Variants in TCF7L1 observed in about 807,000 individuals in gnomAD.
TCF7L1 encodes the protein transcription factor 7-like 1.
In TCF7L1, 18 loss-of-function variants were observed where a neutral mutation model predicts 63.7. The observed-to-expected ratio is 0.28, with a 90% CI of 0.20 to 0.42. The LOEUF (loss-of-function observed/expected upper bound fraction) is 0.42, where lower values mean the gene tolerates loss of function less well. Ranked by LOEUF, TCF7L1 falls within the 10% of genes least tolerant of loss-of-function variation. The pLI is 1.00. For synonymous variants in TCF7L1, 355 were observed against 340.9 expected (o/e 1.04, Z -0.46); for missense variants, 654 against 779.3 (o/e 0.84, Z 1.91).
At chr2:85,262,345 G>A (rs563555110) in intron 3 of TCF7L1, 55 of 477,018 alleles carry the variant, frequency 1.2e-4, no homozygotes, top group African/African-American at 2.0e-4. Flanking sequence ...ACACCCGCAC[G>A]CTGCCTCTGA....
chr2:85,251,020 T>TA, intron 3 of TCF7L1, among the ~76,000 whole-genome samples: 1 of 152,288 alleles, frequency 6.6e-6, no homozygotes. Flanking sequence ...AGCTAAGAGT[T>TA]AGAGGCCTGA....
At position 85,290,525 on chromosome 2, in the gene TCF7L1, A is replaced by G. The variant is rs1262669385; in HGVS notation, c.525+6947A>G. Among the ~76,000 whole-genome samples, 3 of 152,232 alleles carry G rather than the reference A, an allele frequency of 2.0e-5. No individual in the cohort carries two copies. In the South Asian group the frequency reaches 6.2e-4, roughly 31 times the overall value. On this transcript the variant is annotated intron_variant, in intron 4 of 11. Coordinates refer to ENST00000282111, the MANE Select transcript of TCF7L1 (RefSeq NM_031283.3). ...CATATAGTGAAATTCACATGAGTATATAGTTCTGTGAGTTTTGACAAACTT... is the reference window on the plus strand; with the variant it reads ...CATATAGTGAAATTCACATGAGTATGTAGTTCTGTGAGTTTTGACAAACTT...
chr2:85,280,671 A>T (rs1681388490), intron 3 of TCF7L1, among the ~76,000 whole-genome samples: 1 of 152,178 alleles, frequency 6.6e-6, no homozygotes, highest in Non-Finnish European at 1.5e-5. Flanking sequence ...TTTAATTTTT[A>T]AAACCAGAAA....
At chr2:85,248,998 G>A (rs1031396139) in intron 3 of TCF7L1, among the ~76,000 whole-genome samples, 5 of 136,302 alleles carry the variant, frequency 3.7e-5, no homozygotes, top group African/African-American at 1.3e-4. Context: ...CCCTTGGGGA[G>A]GGAAAAAAAA....
intron 3 of TCF7L1, among the ~76,000 whole-genome samples, chr2:85,173,899 G>T (rs1678614508): frequency 6.6e-6 from 1 of 152,048 alleles, no homozygotes; most frequent in Non-Finnish European, 1.5e-5. Context: ...ACCACGCCTG[G>T]CTAATTTTTG....
At chr2:85,137,037 CTT>C (rs1159314602) in intron 3 of TCF7L1, among the ~76,000 whole-genome samples, 3 of 152,036 alleles carry the variant, frequency 2.0e-5, no homozygotes, top group Non-Finnish European at 4.4e-5. Context: ...CATCTTAGGT[CTT>C]TTTTATTGTT....
At chr2:85,238,906 G>A (rs943227379) in intron 3 of TCF7L1, among the ~76,000 whole-genome samples, 1 of 151,462 alleles carries the variant, frequency 6.6e-6, no homozygotes, top group African/African-American at 2.4e-5. Context: ...TGCTGACTCC[G>A]CCTCCCGAGG....
rs777428699 is a variant in TCF7L1 at position 85,133,915 on chromosome 2, C to T, written c.231C>T (p.Ser77=). Reference sequence around the variant, plus strand: ...TGGTCAACGAGTCGGAGAACCAGAGCAGCAGCTCGGACTCGGAGGTAAGGA... The same window carrying T: ...TGGTCAACGAGTCGGAGAACCAGAGTAGCAGCTCGGACTCGGAGGTAAGGA... ...SSLVNESENQ[S]SSSDSEAERR... Residue 77 remains serine (S), a synonymous_variant, in exon 1 of 12, where the codon AGC becomes AGT. Coordinates refer to ENST00000282111, the MANE Select transcript of TCF7L1 (RefSeq NM_031283.3). This position sits in a 1 kb window ranked among gnomAD's most constrained non-coding sequence, Gnocchi z 4.4. 1.3e-6 allele frequency: 2 copies of T among 1,530,548 alleles called. No individual in the cohort carries two copies. Among genetic ancestry groups the T allele is most frequent in the South Asian group, 2.5e-5 (2 of 80,588 alleles). The allele number at this position is 1,530,548 out of a possible 1,614,324, so 94.8% of individuals were successfully genotyped here.
chr2:85,220,120 T>G (rs1342974749), intron 3 of TCF7L1, among the ~76,000 whole-genome samples: 1 of 152,128 alleles, frequency 6.6e-6, no homozygotes, highest in Non-Finnish European at 1.5e-5. Context: ...ATAATACATA[T>G]GTAGTGAAAT....
chr2:85,253,050 C>A (rs1197157305), intron 3 of TCF7L1, among the ~76,000 whole-genome samples: 1 of 152,174 alleles, frequency 6.6e-6, no homozygotes, highest in Non-Finnish European at 1.5e-5. Flanking sequence ...GGCCTAATGA[C>A]CCATTTCTGT....
Position 85,309,291 on chromosome 2 carries a change from T to C in TCF7L1, c.1596T>C (p.Ser532=). 2 of 1,613,214 alleles carry C rather than the reference T, an allele frequency of 1.2e-6. No individual in the cohort carries two copies. The highest frequency in any genetic ancestry group is 1.3e-5 in the African/African-American group (1 of 75,016). Residue 532 remains serine, a synonymous_variant, in exon 12 of 12, where the codon TCT becomes TCC. Transcript: ENST00000282111. Reference sequence around the variant, plus strand: ...CGGCTAAGGCTGCAGCCTCCTCCTCTGGGCAGATGGGCAGCCAGCCTCCCC... The same window carrying C: ...CGGCTAAGGCTGCAGCCTCCTCCTCCGGGCAGATGGGCAGCCAGCCTCCCC... ...FLSAKAAASS[S]GQMGSQPPLL... is the part of the protein sequence containing the mutation.
chr2:85,215,947 C>T (rs1679693088), intron 3 of TCF7L1, among the ~76,000 whole-genome samples: 1 of 152,070 alleles, frequency 6.6e-6, no homozygotes, highest in South Asian at 2.1e-4. Flanking sequence ...ACAGAAACAC[C>T]AGAGGCCAGG....
intron 3 of TCF7L1, among the ~76,000 whole-genome samples, chr2:85,245,770 GCAC>G (rs1361309619): frequency 6.6e-6 from 1 of 150,988 alleles, no homozygotes; most frequent in Non-Finnish European, 1.5e-5. Flanking sequence ...AGCCGAGATC[GCAC>G]CACTGCATTC....
chr2:85,307,502 C>G (rs752983161), intron 10 of TCF7L1, 140 bp from the exon 11 acceptor site: 114 of 660,534 alleles, frequency 1.7e-4, no homozygotes, highest in South Asian at 8.6e-4. Context: ...CGGCTGTGAT[C>G]TGAATTATCT....
At chr2:85,199,137 T>C (rs1679220669) in intron 3 of TCF7L1, among the ~76,000 whole-genome samples, 1 of 152,100 alleles carries the variant, frequency 6.6e-6, no homozygotes, top group African/African-American at 2.4e-5. Flanking sequence ...GCTGAGAGGG[T>C]GTCCCTAATG....
intron 3 of TCF7L1, among the ~76,000 whole-genome samples, chr2:85,168,168 A>G (rs367629895): frequency 1.9e-4 from 28 of 147,050 alleles, no homozygotes; most frequent in East Asian, 5.9e-4. Context: ...AAGAGGGTCA[A>G]TCTCATGTTA....
At chr2:85,234,431 G>A in intron 3 of TCF7L1, among the ~76,000 whole-genome samples, 1 of 152,202 alleles carries the variant, frequency 6.6e-6, no homozygotes, top group Non-Finnish European at 1.5e-5. Flanking sequence ...ACCACACCTG[G>A]CCATTCCACT....
intron 3 of TCF7L1, among the ~76,000 whole-genome samples, chr2:85,233,315 G>T (rs1009979378): frequency 2.1e-5 from 2 of 95,236 alleles, no homozygotes; most frequent in Admixed American, 1.3e-4. Flanking sequence ...TAAATTCAGA[G>T]ATTTTTTTTT....
chr2:85,307,792 C>A, intron 11 of TCF7L1, 75 bp downstream of exon 11: 1 of 1,364,982 alleles, frequency 7.3e-7, no homozygotes, highest in Non-Finnish European at 1.0e-6. Flanking sequence ...CTGTCTCTAG[C>A]TCCCTGATGG....
Sources: gnomAD v4.1 joint callset for allele counts (sites outside exome capture counted in the v4.1 genomes callset) on GRCh38, gnomAD v4.1.1 for gene constraint, Gnocchi (gnomAD v3.1) non-coding constraint, MANE v1.5 for transcripts, NCBI Gene and HGNC (gene_info 2026-07-23, HGNC 2026-07-21) for gene names.